The following CHD9 variants were observed in gnomAD, a reference collection of about 807,000 sequenced individuals.
CHD9 encodes chromodomain helicase DNA binding protein 9, also known as ATP-dependent chromatin remodeler CHD9.
A neutral mutation model predicts 316.1 loss-of-function variants in CHD9; 77 were observed. The observed-to-expected ratio is 0.24, with a 90% CI of 0.20 to 0.29. The LOEUF (loss-of-function observed/expected upper bound fraction) is 0.29. Ranked by LOEUF, CHD9 falls within the 10% of genes least tolerant of loss-of-function variation. The probability of loss-of-function intolerance (pLI) is 1.00; values close to 1 mark genes in which losing one functional copy is unlikely to be tolerated. For missense variants in CHD9, 2,763 were observed against 3,438.1 expected, an observed-to-expected ratio of 0.80 and a Z score of 4.91; for synonymous variants, 1,129 against 1,158.3, an observed-to-expected ratio of 0.97 and a Z score of 0.51.
At chr16:53,293,295 G>A (rs761390704) in intron 29 of CHD9, among the ~76,000 whole-genome samples, 3 of 151,892 alleles carry the variant, frequency 2.0e-5, no homozygotes, top group Non-Finnish European at 2.9e-5. Flanking sequence ...TTTTTGTCAT[G>A]TTTAGGAACA....
chr16:53,228,541 T>G (rs2047865206), intron 7 of CHD9, among the ~76,000 whole-genome samples: 1 of 147,362 alleles, frequency 6.8e-6, no homozygotes, highest in African/African-American at 2.5e-5. Context: ...GAAAGTGTTT[T>G]TTTTTTTTTT....
At chr16:53,058,153 C>G (rs897308919) in intron 1 of CHD9, among the ~76,000 whole-genome samples, 8 of 152,132 alleles carry the variant, frequency 5.3e-5, no homozygotes, top group African/African-American at 1.9e-4. Context: ...TGGAGTCTCA[C>G]TCTGTCTCCC....
At chr16:53,077,816 G>A (rs540649464) in intron 1 of CHD9, among the ~76,000 whole-genome samples, 14 of 152,262 alleles carry the variant, frequency 9.2e-5, no homozygotes, top group Admixed American at 5.2e-4. Context: ...GCTCACCCCT[G>A]TAATTCTAAC....
chr16:53,159,724 C>T (rs1393356549), intron 2 of CHD9, among the ~76,000 whole-genome samples: 1 of 152,182 alleles, frequency 6.6e-6, no homozygotes, highest in Non-Finnish European at 1.5e-5. Context: ...ATTCTCCTCC[C>T]TCAGCCTCCT....
At chr16:53,187,511 GA>G (rs554850940) in intron 2 of CHD9, among the ~76,000 whole-genome samples, 1 of 151,256 alleles carries the variant, frequency 6.6e-6, no homozygotes, top group African/African-American at 2.4e-5. Context: ...CTAAGAAAAA[GA>G]AAAAAAAGTG....
chr16:53,294,067 T>C (rs8057688), intron 29 of CHD9, among the ~76,000 whole-genome samples: 47,842 of 152,144 alleles, frequency 0.31, 7,716 homozygotes, highest in Middle Eastern at 0.38. Context: ...GGAAAGCATA[T>C]GTTCCTTTAT....
intron 1 of CHD9, among the ~76,000 whole-genome samples, chr16:53,074,246 A>C (rs2034336486): frequency 6.6e-6 from 1 of 152,220 alleles, no homozygotes; most frequent in Admixed American, 6.5e-5. Flanking sequence ...GATATTTCTA[A>C]GCAGCAAAGC....
intron 3 of CHD9, 57 bp from the exon 4 acceptor site, chr16:53,222,587 T>C: frequency 1.2e-6 from 1 of 811,502 alleles, no homozygotes. Flanking sequence ...CTTAATTTAA[T>C]CAAATTTAGG....
chr16:53,311,197 A>C lies in CHD9; in HGVS notation c.7222+2343A>C, dbSNP rs1432186478. On this transcript the variant is annotated intron_variant, in intron 34 of 38. Coordinates refer to ENST00000447540, the MANE Select transcript of CHD9 (RefSeq NM_001308319.2). Reference sequence around the variant, plus strand: ...CTCAAAAAAAAAAAAAAAAATTGTAACACGACTTTTGCAGCTATACAAAAT... The same window carrying C: ...CTCAAAAAAAAAAAAAAAAATTGTACCACGACTTTTGCAGCTATACAAAAT... 4 of 151,872 alleles carry C rather than the reference A, an allele frequency of 2.6e-5. No homozygotes were observed. In the South Asian group the frequency reaches 8.3e-4, roughly 32 times the overall value. 9.4% of individuals were successfully genotyped at this position (151,872 alleles called of 1,614,324 possible). A position where few individuals can be genotyped will look rare whatever the true frequency, so the allele number is the denominator to read the frequency against.
At chr16:53,283,591 A>T (rs923228189) in intron 24 of CHD9, among the ~76,000 whole-genome samples, 3 of 152,130 alleles carry the variant, frequency 2.0e-5, no homozygotes, top group Non-Finnish European at 4.4e-5. Flanking sequence ...TTCTGTTTCC[A>T]GTGTTCTTTC....
At chr16:53,278,123 G>A (rs1033674356) in intron 24 of CHD9, among the ~76,000 whole-genome samples, 2 of 152,056 alleles carry the variant, frequency 1.3e-5, no homozygotes, top group Non-Finnish European at 2.9e-5. Context: ...ACAAATAAAT[G>A]GAAACACATC....
At chr16:53,084,845 G>A (rs576694517) in intron 1 of CHD9, among the ~76,000 whole-genome samples, 1 of 152,284 alleles carries the variant, frequency 6.6e-6, no homozygotes, top group South Asian at 2.1e-4. Context: ...TGCTGGTCAA[G>A]TCTTTCGTGG....
At chr16:53,179,202 T>A (rs1433318756) in intron 2 of CHD9, among the ~76,000 whole-genome samples, 3 of 152,196 alleles carry the variant, frequency 2.0e-5, no homozygotes, top group African/African-American at 7.2e-5. Context: ...TTATTAGACA[T>A]CTCCCAAGAA....
chr16:53,191,896 TCC>T (rs1159248974), intron 2 of CHD9, among the ~76,000 whole-genome samples: 1 of 152,166 alleles, frequency 6.6e-6, no homozygotes, highest in Non-Finnish European at 1.5e-5. Flanking sequence ...GTATGAGAGT[TCC>T]AGATGTTCCT....
At chr16:53,062,076 C>T (rs1047938646) in intron 1 of CHD9, among the ~76,000 whole-genome samples, 3 of 152,204 alleles carry the variant, frequency 2.0e-5, no homozygotes, top group East Asian at 1.9e-4. Flanking sequence ...GCTCCACCCA[C>T]GCTGGCCTTT....
chr16:53,170,135 C>A (rs1022956635), intron 2 of CHD9, among the ~76,000 whole-genome samples: 2 of 147,720 alleles, frequency 1.4e-5, no homozygotes, highest in African/African-American at 5.0e-5. Flanking sequence ...ATTAGTTTGT[C>A]CCATTATTGG....
At chr16:53,282,112 G>A (rs1347353711) in intron 24 of CHD9, among the ~76,000 whole-genome samples, 3 of 152,108 alleles carry the variant, frequency 2.0e-5, no homozygotes, top group Admixed American at 6.5e-5. Flanking sequence ...ACTGCTCTCT[G>A]TGGATTGTAC....
rs147266259 is a variant in CHD9 at position 53,157,308 on chromosome 16, G to A, written c.1219G>A (p.Glu407Lys). The A allele has an allele frequency of 2.9e-5, 46 of 1,612,832 alleles. No individual in the cohort carries two copies. The highest frequency in any genetic ancestry group is 1.9e-4 in the African/African-American group (14 of 75,016). The change falls in exon 2 of 39, where the codon GAG (glutamate) becomes AAG (lysine). Residue 407 changes from glutamate (E) to lysine (K), a missense_variant. By Grantham distance (56) the Glu-to-Lys change is moderately conservative. This residue lies in a region of CHD9 where 859 missense variants were observed against 890.4 expected (regional missense o/e 0.96). Coordinates refer to ENST00000447540, the MANE Select transcript of CHD9 (RefSeq NM_001308319.2). ...QTEPFTGLDP[E>K]DLLQEGLLPH... Reference sequence around the variant, plus strand: ...TGAGCCATTCACAGGACTTGACCCCGAGGACCTCCTTCAGGAGGGTCTTCT... The same window carrying A: ...TGAGCCATTCACAGGACTTGACCCCAAGGACCTCCTTCAGGAGGGTCTTCT...
At chr16:53,295,787 G>GT (rs1394722822) in intron 29 of CHD9, among the ~76,000 whole-genome samples, 1 of 152,072 alleles carries the variant, frequency 6.6e-6, no homozygotes, top group Admixed American at 6.5e-5. Context: ...TGTCCCATAT[G>GT]TTTTTTCTAA....
Sources: allele counts gnomAD v4.1 joint callset (sites outside exome capture counted in the v4.1 genomes callset), GRCh38; gene constraint gnomAD v4.1.1; regional missense constraint gnomAD v4.1.1; transcripts MANE v1.5; gene names NCBI Gene and HGNC (gene_info 2026-07-23, HGNC 2026-07-21).